Variants in PHF19 observed in about 807,000 individuals in gnomAD.
The protein encoded by PHF19 is PHD finger protein 19.
A neutral mutation model predicts 79.8 loss-of-function variants in PHF19; 21 were observed. The ratio of observed to expected loss-of-function variants is 0.26; its 90% CI spans 0.19 to 0.38. PHF19 has a LOEUF of 0.38. Ranked by LOEUF, PHF19 falls within the 10% of genes least tolerant of loss-of-function variation. PHF19 has a pLI of 1.00. For missense variants in PHF19, 445 were observed against 744.2 expected, an observed-to-expected ratio of 0.60 and a Z score of 4.68; for synonymous variants, 273 against 296.3, an observed-to-expected ratio of 0.92 and a Z score of 0.81.
intron 3 of PHF19, among the ~76,000 whole-genome samples, chr9:120,872,886 T>A (rs2131554123): frequency 6.6e-6 from 1 of 152,162 alleles, no homozygotes; most frequent in South Asian, 2.1e-4. Flanking sequence ...CCTCCCAAAG[T>A]GCTGGGATTA....
upstream of PHF19, among the ~76,000 whole-genome samples, chr9:120,896,568 C>T (rs1247109964): frequency 1.3e-5 from 2 of 150,942 alleles, no homozygotes; most frequent in African/African-American, 4.9e-5. Flanking sequence ...TCTCCTGCCT[C>T]AGCCTCCCGT....
At chr9:120,863,062 G>A (rs1193669512) in intron 10 of PHF19, 5 of 357,084 alleles carry the variant, frequency 1.4e-5, no homozygotes, top group Admixed American at 1.2e-4. Flanking sequence ...GCTTACAGTG[G>A]AACTCCTATG....
rs1000231413 is a variant in PHF19 at position 120,891,916 on chromosome 9, A to T, written c.42+2872T>A. Among the ~76,000 whole-genome samples, 2 of 152,128 alleles carry T rather than the reference A, an allele frequency of 1.3e-5. No homozygotes were observed. Among genetic ancestry groups the T allele is most frequent in the African/African-American group, 4.8e-5 (2 of 41,424 alleles). On this transcript the variant is annotated intron_variant, in intron 1 of 14. Transcript: ENST00000616568. This position sits in a 1 kb window ranked among gnomAD's most constrained non-coding sequence, Gnocchi z 4.3. ...ACACAAATGTGCCAGGGCTCAAAAC[A>T]TCCTAAAACAGGCTGCAAACCCCTG...
chr9:120,877,431 GCCCC>G, upstream of PHF19: 1 of 680,152 alleles, frequency 1.5e-6, no homozygotes, highest in African/African-American at 2.1e-5. Flanking sequence ...AGCGCCGCCA[GCCCC>G]CGCCCGCCCC....
chr9:120,879,929 G>C (rs2046154264), upstream of PHF19, among the ~76,000 whole-genome samples: 1 of 151,310 alleles, frequency 6.6e-6, no homozygotes, highest in East Asian at 1.9e-4. Context: ...CCACGTGAGA[G>C]ACGCAAATGA....
upstream of PHF19, among the ~76,000 whole-genome samples, chr9:120,881,275 G>A (rs935966934): frequency 6.6e-6 from 1 of 151,492 alleles, no homozygotes; most frequent in African/African-American, 2.4e-5. Flanking sequence ...AGCCTCCCGA[G>A]TAGCTGGGAC....
intron 3 of PHF19, among the ~76,000 whole-genome samples, chr9:120,872,713 T>G (rs2045939777): frequency 6.7e-6 from 1 of 149,668 alleles, no homozygotes; most frequent in Non-Finnish European, 1.5e-5. Flanking sequence ...TGAGACAGAG[T>G]CTCGCTCTGT....
the PHF19 span, among the ~76,000 whole-genome samples, chr9:120,901,447 G>C: frequency 6.6e-6 from 1 of 152,096 alleles, no homozygotes; most frequent in African/African-American, 2.4e-5. Flanking sequence ...CACCCGCCTT[G>C]GCTTCCCAAA....
At chr9:120,883,563 AG>A (rs2046219729) in intron 1 of PHF19, among the ~76,000 whole-genome samples, 1 of 152,152 alleles carries the variant, frequency 6.6e-6, no homozygotes, top group Non-Finnish European at 1.5e-5. Flanking sequence ...GTTCGAGCCC[AG>A]CCTGGGCAAC....
At chr9:120,876,454 C>T (rs1489297153) in intron 1 of PHF19, 1 of 151,484 alleles carries the variant, frequency 6.6e-6, no homozygotes, top group East Asian at 1.9e-4. Context: ...GGTGGCGCCC[C>T]CCCAGCCCCC....
At chr9:120,876,984 C>A (rs1045981077) in intron 1 of PHF19, 107 bp downstream of exon 1, 3 of 958,418 alleles carry the variant, frequency 3.1e-6, no homozygotes, top group Non-Finnish European at 1.2e-6. Context: ...GTCTCACCCC[C>A]CGGAGGCGTT....
upstream of PHF19, among the ~76,000 whole-genome samples, chr9:120,898,998 A>C (rs936093773): frequency 6.6e-6 from 1 of 152,118 alleles, no homozygotes; most frequent in African/African-American, 2.4e-5. Context: ...CGGGAGTTTG[A>C]GACCAGTCTG....
intron 3 of PHF19, among the ~76,000 whole-genome samples, chr9:120,871,248 T>C (rs965553723): frequency 3.9e-5 from 6 of 152,210 alleles, no homozygotes; most frequent in Admixed American, 3.3e-4. Context: ...TATGAACTCA[T>C]GGCCAATCTC....
chr9:120,873,755 T>A lies in PHF19; in HGVS notation c.268+224A>T, dbSNP rs546242946. ...AGCTACCTTCCCCACCTGCCCATCC[T>A]CCCTCCTGGGGTATGAATTCTCAAG... On this transcript the variant is annotated intron_variant, in intron 3 of 14. Transcript: ENST00000373896. Among the ~76,000 whole-genome samples, 5 of 152,260 alleles carry A rather than the reference T, an allele frequency of 3.3e-5. No individual in the cohort carries two copies. In the South Asian group the frequency reaches 8.3e-4, roughly 25 times the overall value.
chr9:120,883,261 C>T (rs1299128807), intron 1 of PHF19, among the ~76,000 whole-genome samples: 2 of 152,190 alleles, frequency 1.3e-5, no homozygotes, highest in African/African-American at 2.4e-5. Flanking sequence ...ATCCTATTTC[C>T]CTGCCTTGCC....
chr9:120,894,702 T>C (rs1174999794), intron 1 of PHF19: 6 of 532,150 alleles, frequency 1.1e-5, no homozygotes, highest in African/African-American at 2.0e-5. Context: ...GCGTTCCATA[T>C]GGCGGCGGCG....
intron 1 of PHF19, among the ~76,000 whole-genome samples, chr9:120,887,531 G>A (rs529815210): frequency 2.0e-5 from 3 of 152,190 alleles, no homozygotes; most frequent in East Asian, 3.9e-4. Context: ...CTGCTGAGTC[G>A]CCAGCCTGCT....
rs185623660 is a variant in PHF19, at chr9:120,864,541, T to C, written c.901-425A>G. 2.5e-3 allele frequency among the ~76,000 whole-genome samples: 380 copies of C among 151,932 alleles called. 2 individuals are homozygous for C. The highest frequency in any genetic ancestry group is 8.7e-3 in the African/African-American group (360 of 41,348). ...ACTATGGTAGAAACCAATGCAGCCA[T>C]GAAATTTGGCGGGCGCCTATAATCC... is the stretch of plus-strand genomic sequence containing the variant. On this transcript the variant is annotated intron_variant, in intron 9 of 14. Coordinates refer to ENST00000373896, the MANE Select transcript of PHF19 (RefSeq NM_015651.3).
chr9:120,882,455 T>C (rs192590532), intron 1 of PHF19, among the ~76,000 whole-genome samples: 2 of 152,352 alleles, frequency 1.3e-5, no homozygotes, highest in African/African-American at 4.8e-5. Context: ...GTATGACAAA[T>C]TCACTTACTT....
Sources: allele counts gnomAD v4.1 joint callset (sites outside exome capture counted in the v4.1 genomes callset), GRCh38; gene constraint gnomAD v4.1.1; non-coding constraint Gnocchi (gnomAD v3.1); transcripts MANE v1.5; gene names NCBI Gene and HGNC (gene_info 2026-07-23, HGNC 2026-07-21).